Variants in ITSN1 observed in about 807,000 individuals in gnomAD.
ITSN1 encodes intersectin 1.
A neutral mutation model predicts 239.8 loss-of-function variants in ITSN1; 58 were observed. The ratio of observed to expected loss-of-function variants is 0.24; its 90% CI spans 0.20 to 0.30. The LOEUF is 0.30. Among genes scored for constraint, ITSN1 ranks in the 10% least tolerant of loss-of-function variants. ITSN1 has a pLI of 1.00. For missense variants in ITSN1, 1,558 were observed against 2,103.3 expected (o/e 0.74, Z 5.07); for synonymous variants, 780 against 770.8 (o/e 1.01, Z -0.20).
Position 33,895,801 on chromosome 21 carries a change from G to A in ITSN1, c.*7501G>A, listed in dbSNP as rs1321422723. Reference sequence around the variant, plus strand: ...CCTTGGAGAGGGAAACAGGAAATACGTTGCTCCACAGTCCTGTCATCCTGG... The same window carrying A: ...CCTTGGAGAGGGAAACAGGAAATACATTGCTCCACAGTCCTGTCATCCTGG... On this transcript the variant is annotated 3_prime_UTR_variant, in exon 40 of 40. Transcript: ENST00000381318. 1 of 152,292 alleles carries A rather than the reference G, an allele frequency of 6.6e-6. No individual in the cohort carries two copies. Among genetic ancestry groups the A allele is most frequent in the Non-Finnish European group, 1.5e-5 (1 of 68,100 alleles). 9.4% of individuals were successfully genotyped at this position (152,292 alleles called of 1,614,324 possible).
chr21:33,885,931 G>T (rs1451858281), intron 38 of ITSN1, among the ~76,000 whole-genome samples: 1 of 151,814 alleles, frequency 6.6e-6, no homozygotes, highest in East Asian at 1.9e-4. Context: ...GAGCGGCCGG[G>T]CATGGTGGCT....
At position 33,775,089 on chromosome 21, in the gene ITSN1, A is replaced by G; in HGVS notation, c.1577A>G (p.His526Arg). ...SRELRIAEITHLQQQLQESQQ... is the reference protein window; with the variant it reads ...SRELRIAEITRLQQQLQESQQ... ...GAGTTGAGAATTGCCGAAATCACCC[A>G]TCTACAGCAACAATTACAGGTGAGG... Residue 526 changes from histidine to arginine, a missense_variant, in exon 14 of 40, where the codon CAT becomes CGT. His to Arg is a conservative substitution (Grantham distance 29, BLOSUM62 0). Around this residue, in one of 2 missense-constraint regions of ITSN1, gnomAD observed 982 missense variants for 1,209.9 expected, o/e 0.81. Coordinates refer to ENST00000381318, the MANE Select transcript of ITSN1 (RefSeq NM_003024.3). 6.2e-7 allele frequency: 1 copy of G among 1,613,228 alleles called. No individual in the cohort carries two copies. The highest frequency in any genetic ancestry group is 8.5e-7 in the Non-Finnish European group (1 of 1,179,810).
intron 1 of ITSN1, among the ~76,000 whole-genome samples, chr21:33,684,987 A>G (rs1359112304): frequency 6.6e-6 from 1 of 152,180 alleles, no homozygotes; most frequent in Non-Finnish European, 1.5e-5. Flanking sequence ...ACATCTACAA[A>G]AGAAAGGAGA....
intron 1 of ITSN1, among the ~76,000 whole-genome samples, chr21:33,654,036 CTCTT>C (rs1388331513): frequency 6.6e-6 from 1 of 151,714 alleles, no homozygotes; most frequent in Non-Finnish European, 1.5e-5. Flanking sequence ...CTTCCTCTTT[CTCTT>C]TCTTTCTCTC....
intron 4 of ITSN1, 119 bp from the exon 5 acceptor site, chr21:33,734,925 G>A (rs1449434757): frequency 1.3e-5 from 10 of 741,862 alleles, no homozygotes; most frequent in Middle Eastern, 2.5e-4. Flanking sequence ...TATGTTTTCT[G>A]TTGTTGTCTC....
intron 1 of ITSN1, among the ~76,000 whole-genome samples, chr21:33,663,085 G>A (rs1207050808): frequency 2.0e-5 from 3 of 152,178 alleles, no homozygotes; most frequent in African/African-American, 7.2e-5. Flanking sequence ...AGTCTACCTT[G>A]CCTAGAAGGA....
chr21:33,808,972 A>G (rs1300651957), intron 20 of ITSN1, among the ~76,000 whole-genome samples: 1 of 152,224 alleles, frequency 6.6e-6, no homozygotes, highest in Non-Finnish European at 1.5e-5. Context: ...AGAGACAGCT[A>G]TGTTTCCAGT....
intron 1 of ITSN1, among the ~76,000 whole-genome samples, chr21:33,693,770 G>A (rs2091663996): frequency 6.6e-6 from 1 of 152,154 alleles, no homozygotes; most frequent in African/African-American, 2.4e-5. Context: ...TTTCAGTCAG[G>A]GTTGGTAGCT....
chr21:33,795,262 A>G (rs1016875369), intron 17 of ITSN1, among the ~76,000 whole-genome samples: 4 of 152,180 alleles, frequency 2.6e-5, no homozygotes, highest in African/African-American at 9.7e-5. Flanking sequence ...CATCCTGGCC[A>G]ACATGGTGAA....
intron 11 of ITSN1, among the ~76,000 whole-genome samples, chr21:33,769,053 G>T (rs745929842): frequency 6.6e-6 from 1 of 152,136 alleles, no homozygotes; most frequent in Non-Finnish European, 1.5e-5. Context: ...GTGTAGACTG[G>T]GGAAGATATG....
In ITSN1 at chr21:33,896,969, T is replaced by C. The variant is rs535419400; in HGVS notation, c.*8669T>C. On this transcript the variant is annotated 3_prime_UTR_variant, in exon 40 of 40. Coordinates refer to ENST00000381318, the MANE Select transcript of ITSN1 (RefSeq NM_003024.3). ...ATAACAAATTATGGCTTTGTTTTCATGCGTCATGCAATCTTCCGGACTACG... is the reference window on the plus strand; with the variant it reads ...ATAACAAATTATGGCTTTGTTTTCACGCGTCATGCAATCTTCCGGACTACG... 6.6e-5 allele frequency: 10 copies of C among 152,388 alleles called. No homozygotes were observed. In the South Asian group the frequency reaches 1.9e-3, roughly 28 times the overall value. 9.4% of individuals were successfully genotyped at this position (152,388 alleles called of 1,614,324 possible).
intron 1 of ITSN1, among the ~76,000 whole-genome samples, chr21:33,682,198 A>G (rs1470599999): frequency 1.3e-5 from 2 of 150,952 alleles, no homozygotes; most frequent in Non-Finnish European, 3.0e-5. Context: ...ATCCTCCTAT[A>G]TAATTCCTTT....
intron 31 of ITSN1, among the ~76,000 whole-genome samples, chr21:33,862,469 G>A (rs1385291363): frequency 6.6e-6 from 1 of 152,124 alleles, no homozygotes; most frequent in African/African-American, 2.4e-5. Context: ...AAGAAGAAAA[G>A]GATGTGGGGT....
chr21:33,683,042 A>C (rs940977236), intron 1 of ITSN1, among the ~76,000 whole-genome samples: 2 of 152,118 alleles, frequency 1.3e-5, no homozygotes, highest in Admixed American at 1.3e-4. Flanking sequence ...CTATTTACTT[A>C]ACCAAACACT....
At chr21:33,861,411 G>A (rs969391270) in intron 31 of ITSN1, among the ~76,000 whole-genome samples, 1 of 152,132 alleles carries the variant, frequency 6.6e-6, no homozygotes, top group East Asian at 1.9e-4. Context: ...GGGGCAGGGG[G>A]TAGGGCAGTT....
chr21:33,692,050 A>C (rs1413568696), intron 1 of ITSN1, among the ~76,000 whole-genome samples: 1 of 152,160 alleles, frequency 6.6e-6, no homozygotes, highest in Non-Finnish European at 1.5e-5. Context: ...GATATCTCAG[A>C]TGGGGGTGAT....
At chr21:33,874,402 A>G (rs1311143274) in intron 33 of ITSN1, among the ~76,000 whole-genome samples, 1 of 152,160 alleles carries the variant, frequency 6.6e-6, no homozygotes, top group Non-Finnish European at 1.5e-5. Flanking sequence ...CTTATGCCCC[A>G]GGCTGCATGC....
intron 9 of ITSN1, among the ~76,000 whole-genome samples, chr21:33,764,225 G>T (rs760471219): frequency 4.6e-5 from 7 of 151,978 alleles, no homozygotes; most frequent in Non-Finnish European, 8.8e-5. Context: ...AACGCTTGAG[G>T]CTTCTTCTGT....
At chr21:33,887,681 C>T (rs1277321057) in intron 39 of ITSN1, among the ~76,000 whole-genome samples, 1 of 152,126 alleles carries the variant, frequency 6.6e-6, no homozygotes, top group Non-Finnish European at 1.5e-5. Context: ...TCACAGCTCA[C>T]TGCAGCCTCC....
Sources: gnomAD v4.1 joint callset for allele counts (sites outside exome capture counted in the v4.1 genomes callset) on GRCh38, gnomAD v4.1.1 for gene constraint, gnomAD v4.1.1 regional missense constraint, MANE v1.5 for transcripts, NCBI Gene and HGNC (gene_info 2026-07-23, HGNC 2026-07-21) for gene names.